TBC1D10C: variants seen among roughly 807,000 people sequenced by gnomAD.
TBC1D10C encodes TBC1 domain family member 10C.
Under a neutral mutation model 51.0 loss-of-function variants are expected in TBC1D10C, and 49 were observed. The ratio of observed to expected loss-of-function variants is 0.96; its 90% CI spans 0.76 to 1.22. The LOEUF (loss-of-function observed/expected upper bound fraction) is 1.22, where lower values mean the gene tolerates loss of function less well. Ranked by LOEUF, TBC1D10C falls within the 50% of genes most tolerant of loss-of-function variation. The pLI, the probability that TBC1D10C is intolerant of heterozygous loss-of-function variation, is 0.00. For missense variants in TBC1D10C, 541 were observed against 617.5 expected (o/e 0.88, Z 1.31); for synonymous variants, 281 against 266.7 (o/e 1.05, Z -0.52).
chr11:67,405,051 C>G, intron 1 of TBC1D10C, 34 bp from the exon 2 acceptor site: 1 of 1,537,486 alleles, frequency 6.5e-7, no homozygotes, highest in Non-Finnish European at 8.8e-7. Context: ...TAACAGCTGC[C>G]CAGCGTCTGG....
At position 67,409,487 on chromosome 11, in the gene TBC1D10C, G is replaced by C. The variant is rs1165120448; in HGVS notation, c.1074G>C (p.Pro358=). 1.9e-6 allele frequency: 3 copies of C among 1,548,464 alleles called. No individual in the cohort carries two copies. The highest frequency in any genetic ancestry group is 1.4e-5 in the African/African-American group (1 of 73,010). ...AQLAQLPDSA[P]GPPPRPQVRL... is the part of the protein sequence containing the mutation. ...TGGCCCAGCTGCCCGATTCCGCGCC[G>C]GGACCCCCGCCCCGGCCACAGGTCC... Residue 358 remains proline (P), a synonymous_variant, in exon 9 of 9, where the codon CCG becomes CCC. Coordinates refer to ENST00000542590, the MANE Select transcript of TBC1D10C (RefSeq NM_001369496.1).
intron 7 of TBC1D10C, chr11:67,408,732 G>A: frequency 2.2e-6 from 1 of 449,470 alleles, no homozygotes; most frequent in Non-Finnish European, 3.9e-6. Flanking sequence ...GGTGGGGATG[G>A]GAGGCGACAG....
Position 67,404,085 on chromosome 11 carries a change from G to C in TBC1D10C, c.-118G>C. On this transcript the variant is annotated 5_prime_UTR_variant, in exon 1 of 9. Coordinates refer to ENST00000542590, the MANE Select transcript of TBC1D10C (RefSeq NM_001369496.1). ...AGAGGAGACATAGGGGGCTTGGTGA[G>C]ATACCCTGAAACCTCCCCCCTCTGA... 1 of 1,278,530 alleles carries C rather than the reference G, an allele frequency of 7.8e-7. No homozygotes were observed. The highest frequency in any genetic ancestry group is 1.7e-5 in the South Asian group (1 of 59,724). The allele number at this position is 1,278,530 out of a possible 1,614,324, so 79.2% of individuals were successfully genotyped here.
chr11:67,405,060 G>A, intron 1 of TBC1D10C, 25 bp from the exon 2 acceptor site: 1 of 1,543,868 alleles, frequency 6.5e-7, no homozygotes, highest in Non-Finnish European at 8.8e-7. Flanking sequence ...CCCAGCGTCT[G>A]GATACCTGTG....
Position 67,404,222 on chromosome 11 carries a change from A to G in TBC1D10C, c.20A>G (p.Glu7Gly). 6.4e-7 allele frequency: 1 copy of G among 1,567,030 alleles called. No homozygotes were observed. Among genetic ancestry groups the G allele is most frequent in the Non-Finnish European group, 8.7e-7 (1 of 1,151,730 alleles). Reference sequence around the variant, plus strand: ...GGCACCATGGCCCAGGCCCTGGGGGAGGACCTGGTGCAGCCTCCCGAGCTG... The same window carrying G: ...GGCACCATGGCCCAGGCCCTGGGGGGGGACCTGGTGCAGCCTCCCGAGCTG... Reference protein sequence around the residue: MAQALGEDLVQPPELQD... With the variant: MAQALGGDLVQPPELQD... Residue 7 changes from glutamate to glycine, a missense_variant, in exon 1 of 9, where the codon GAG becomes GGG. Glu to Gly is a moderately conservative substitution (Grantham distance 98, BLOSUM62 -2). Coordinates refer to ENST00000542590, the MANE Select transcript of TBC1D10C (RefSeq NM_001369496.1).
In TBC1D10C at chr11:67,405,428, G is replaced by A. The variant is rs200017820; in HGVS notation, c.282G>A (p.Pro94=). The stretch of plus-strand genomic sequence containing the variant: ...AGATGCAGTGCCGGAAAGGCATCCC[G>A]TCTGCCCTGCGCGCCCGATGCTGGC... ...KVKMQCRKGI[P]SALRARCWPL... The change falls in exon 3 of 9, where the codon CCG becomes CCA. Residue 94 remains proline (P), a synonymous_variant. Coordinates refer to ENST00000542590, the MANE Select transcript of TBC1D10C (RefSeq NM_001369496.1). 47 of 1,613,616 alleles carry A rather than the reference G, an allele frequency of 2.9e-5. No homozygotes were observed. The highest frequency in any genetic ancestry group is 8.3e-5 in the Admixed American group (5 of 60,014).
At position 67,406,625 on chromosome 11, in the gene TBC1D10C, A is replaced by G; in HGVS notation, c.583-2A>G. 1 of 1,567,742 alleles carries G rather than the reference A, an allele frequency of 6.4e-7. No individual in the cohort carries two copies. On this transcript the variant is annotated splice_acceptor_variant, in intron 5 of 8. Coordinates refer to ENST00000542590, the MANE Select transcript of TBC1D10C (RefSeq NM_001369496.1). LOFTEE classifies it high-confidence loss of function. ...CAGGCCTGTGCCCTGCCCCTTCCCCAGGAGGCCTTCTGGTGCCTGGTGCAG... is the reference window on the plus strand; with the variant it reads ...CAGGCCTGTGCCCTGCCCCTTCCCCGGGAGGCCTTCTGGTGCCTGGTGCAG...
chr11:67,405,840 C>G (rs1378529253), intron 4 of TBC1D10C, 63 bp from the exon 5 acceptor site: 15 of 1,543,700 alleles, frequency 9.7e-6, no homozygotes, highest in African/African-American at 1.4e-5. Context: ...TGGGCAGAGG[C>G]CCCCAGAGGG....
rs1383120898 is a variant in TBC1D10C at position 67,409,685 on chromosome 11, G to T, written c.1272G>T (p.Arg424=). The part of the protein sequence containing the change: ...KTFHGLLTRA[R]GPPIEGPPRP... ...TCCATGGGCTCCTGACTCGGGCCCG[G>T]GGCCCCCCCATCGAGGGGCCCCCCA... Residue 424 remains arginine (R), a synonymous_variant, in exon 9 of 9, where the codon CGG becomes CGT. Coordinates refer to ENST00000542590, the MANE Select transcript of TBC1D10C (RefSeq NM_001369496.1). The T allele has an allele frequency of 6.3e-7, 1 of 1,597,790 alleles. No individual in the cohort carries two copies. Among genetic ancestry groups the T allele is most frequent in the Non-Finnish European group, 8.5e-7 (1 of 1,177,870 alleles).
upstream of TBC1D10C, chr11:67,404,019 G>A (rs1863035871): frequency 1.5e-6 from 1 of 666,716 alleles, no homozygotes; most frequent in Non-Finnish European, 2.2e-6. Flanking sequence ...CAGAGGCCTG[G>A]CTTTTCTGTC....
At chr11:67,406,199 C>T (rs1410660855) in intron 5 of TBC1D10C, 182 bp downstream of exon 5, 1 of 559,948 alleles carries the variant, frequency 1.8e-6, no homozygotes, top group Middle Eastern at 2.8e-4. Flanking sequence ...CTCCAGGAAC[C>T]TGGGACCCTT....
At chr11:67,409,179 CG>C (rs1330756288) in intron 8 of TBC1D10C, 46 bp downstream of exon 8, 1 of 1,532,522 alleles carries the variant, frequency 6.5e-7, no homozygotes, top group Non-Finnish European at 8.8e-7. Flanking sequence ...CCCTGCTGCA[CG>C]GGGGAAACTG....
At chr11:67,404,969 C>T in intron 1 of TBC1D10C, 116 bp from the exon 2 acceptor site, 1 of 915,004 alleles carries the variant, frequency 1.1e-6, no homozygotes, top group African/African-American at 1.7e-5. Flanking sequence ...CCCCACAGGG[C>T]TCCCAGAGAT....
In TBC1D10C at chr11:67,404,364, C is replaced by A; in HGVS notation, c.152+10C>A. On this transcript the variant is annotated intron_variant, in intron 1 of 8. Transcript: ENST00000542590. ...GCTCAGCAGAGCCAGGGTAAGGGGGCAGGGTGAGGGCTGGCGGAATGCTGG... is the reference window on the plus strand; with the variant it reads ...GCTCAGCAGAGCCAGGGTAAGGGGGAAGGGTGAGGGCTGGCGGAATGCTGG... 1 of 1,558,090 alleles carries A rather than the reference C, an allele frequency of 6.4e-7. No homozygotes were observed. The highest frequency in any genetic ancestry group is 8.7e-7 in the Non-Finnish European group (1 of 1,145,048).
chr11:67,405,153 G>A lies in TBC1D10C; in HGVS notation c.221G>A (p.Trp74Ter). The change falls in exon 2 of 9, where the codon TGG becomes TAG. Residue 74 changes from tryptophan to a stop codon, truncating the protein, a stop_gained. Coordinates refer to ENST00000542590, the MANE Select transcript of TBC1D10C (RefSeq NM_001369496.1). LOFTEE classifies it high-confidence loss of function. Reference sequence around the variant, plus strand: ...AAGTGGGTGGAGATGACCTCGCACTGGGAGAAAACCATGTCCCGGCGGTAC... The same window carrying A: ...AAGTGGGTGGAGATGACCTCGCACTAGGAGAAAACCATGTCCCGGCGGTAC... ...EMKWVEMTSH[W>*]EKTMSRRYKK... 1.1e-5 allele frequency: 17 copies of A among 1,551,514 alleles called. No individual in the cohort carries two copies. The highest frequency in any genetic ancestry group is 1.5e-5 in the Non-Finnish European group (17 of 1,146,952).
Position 67,409,561 on chromosome 11 carries a change from T to C in TBC1D10C, c.1148T>C (p.Val383Ala), listed in dbSNP as rs916859666. ...AIFEAQQLAG[V>A]RRGAKPEVPR... ...TTTGAGGCCCAGCAGCTGGCAGGAG[T>C]GCGACGAGGCGCCAAGCCTGAGGTG... The change falls in exon 9 of 9, where the codon GTG becomes GCG. Residue 383 changes from valine to alanine, a missense_variant. Val to Ala is a moderately conservative substitution (Grantham distance 64). Coordinates refer to ENST00000542590, the MANE Select transcript of TBC1D10C (RefSeq NM_001369496.1). 3.9e-6 allele frequency: 6 copies of C among 1,548,366 alleles called. No homozygotes were observed. In the African/African-American group the frequency reaches 5.5e-5, roughly 14 times the overall value.
At chr11:67,408,736 G>A (rs1790749) in intron 7 of TBC1D10C, 18,665 of 455,770 alleles carry the variant, frequency 0.041, 2,965 homozygotes, top group African/African-American at 0.34. Context: ...GGGATGGGAG[G>A]CGACAGTAAC....
Position 67,404,365 on chromosome 11 carries a change from A to G in TBC1D10C, c.152+11A>G. The G allele has an allele frequency of 6.4e-7, 1 of 1,561,784 alleles. No individual in the cohort carries two copies. Among genetic ancestry groups the G allele is most frequent in the Non-Finnish European group, 8.7e-7 (1 of 1,147,224 alleles). On this transcript the variant is annotated intron_variant, in intron 1 of 8. Coordinates refer to ENST00000542590, the MANE Select transcript of TBC1D10C (RefSeq NM_001369496.1). ...CTCAGCAGAGCCAGGGTAAGGGGGC[A>G]GGGTGAGGGCTGGCGGAATGCTGGG...
chr11:67,406,539 C>G, intron 5 of TBC1D10C, 88 bp from the exon 6 acceptor site: 2 of 1,227,268 alleles, frequency 1.6e-6, no homozygotes, highest in Non-Finnish European at 2.3e-6. Context: ...CAGGCCCTCC[C>G]CTTCACTCCT....
Sources: gnomAD v4.1 joint callset for allele counts on GRCh38, gnomAD v4.1.1 for gene constraint, MANE v1.5 for transcripts, NCBI Gene and HGNC (gene_info 2026-07-23, HGNC 2026-07-21) for gene names.